APC2: variants seen among roughly 807,000 people sequenced by gnomAD.
APC2 encodes APC regulator of Wnt signaling pathway 2.
A neutral mutation model predicts 72.5 loss-of-function variants in APC2; 41 were observed. The observed-to-expected ratio is 0.57, with a 90% CI of 0.44 to 0.73. The LOEUF (loss-of-function observed/expected upper bound fraction) is 0.73. Ranked by LOEUF, APC2 falls within the 30% of genes least tolerant of loss-of-function variation. APC2 has a pLI of 0.00. For synonymous variants in APC2, 1,898 were observed against 1,612.0 expected, an observed-to-expected ratio of 1.18 and a Z score of -4.25; for missense variants, 3,729 against 3,403.4, an observed-to-expected ratio of 1.10 and a Z score of -2.38.
rs374378343 is a variant in APC2 at position 1,457,895 on chromosome 19, C to CCGGGG, written c.1208-70_1208-69insCGGGG. 2.6e-5 allele frequency: 33 copies of CCGGGG among 1,251,672 alleles called. 3 individuals carry two copies. In the African/African-American group the frequency reaches 5.8e-4, roughly 22 times the overall value. 77.5% of individuals were successfully genotyped at this position (1,251,672 alleles called of 1,614,324 possible). On this transcript the variant is annotated intron_variant, in intron 9 of 14. Coordinates refer to ENST00000590469, the MANE Select transcript of APC2 (RefSeq NM_005883.3). ...CTTCAGGCCTGGGGCGGGCGGGTTG[C>CCGGGG]GGGACCTTCGGGAGTCACCTGGGAC...
chr19:1,470,519 C>A lies in APC2; in HGVS notation c.*306C>A. The A allele has an allele frequency of 3.1e-6, 1 of 327,532 alleles. No homozygotes were observed. The highest frequency in any genetic ancestry group is 5.6e-6 in the Non-Finnish European group (1 of 178,830). 20.3% of individuals were successfully genotyped at this position (327,532 alleles called of 1,614,324 possible). ...CGCGCGGCCCTTCCCCTGTCGGAAG[C>A]CGTTGCTTGACCCCGGGCGAGGGAG... is the stretch of plus-strand genomic sequence containing the variant. On this transcript the variant is annotated 3_prime_UTR_variant, in exon 15 of 15. Transcript: ENST00000590469.
In APC2 at chr19:1,456,903, G is replaced by C. The variant is rs993840196; in HGVS notation, c.867G>C (p.Glu289Asp). Reference protein sequence around the residue: ...LLSMLATRDQEDTARTLLAMS... With the variant: ...LLSMLATRDQDDTARTLLAMS... ...CCATGTTGGCGACGCGCGACCAGGA[G>C]GATACAGCGCGCACGCTGCTGGCCA... The change falls in exon 9 of 15, where the codon GAG becomes GAC. Residue 289 changes from glutamate to aspartate, a missense_variant. Glu to Asp is a conservative substitution (Grantham distance 45). Transcript: ENST00000590469. 1 of 1,586,740 alleles carries C rather than the reference G, an allele frequency of 6.3e-7. No homozygotes were observed. The highest frequency in any genetic ancestry group is 1.3e-5 in the African/African-American group (1 of 74,422).
Position 1,465,908 on chromosome 19 carries a change from C to T in APC2, c.2607C>T (p.Asp869=), listed in dbSNP as rs747020134. The T allele has an allele frequency of 3.2e-6, 5 of 1,582,824 alleles. No homozygotes were observed. The highest frequency in any genetic ancestry group is 4.3e-6 in the Non-Finnish European group (5 of 1,168,298). ...EDISALHTSS[D]DSFSLSSGDP... The stretch of plus-strand genomic sequence containing the variant: ...TCTCCGCCCTGCACACCTCGTCCGA[C>T]GATAGCTTCAGCCTCAGCTCTGGAG... Residue 869 remains aspartate (D), a synonymous_variant, in exon 15 of 15, where the codon GAC becomes GAT. Coordinates refer to ENST00000590469, the MANE Select transcript of APC2 (RefSeq NM_005883.3).
chr19:1,456,883 T>C lies in APC2; in HGVS notation c.847T>C (p.Leu283=), dbSNP rs2083836862. The C allele has an allele frequency of 6.3e-7, 1 of 1,593,904 alleles. No individual in the cohort carries two copies. The highest frequency in any genetic ancestry group is 2.3e-5 in the East Asian group (1 of 44,174). ...GGTGGTCTTCTGGCTGTTGTCCATG[T>C]TGGCGACGCGCGACCAGGAGGATAC... is the stretch of plus-strand genomic sequence containing the variant. ...VEVVFWLLSM[L]ATRDQEDTAR... is the part of the protein sequence containing the mutation. The change falls in exon 9 of 15, where the codon TTG becomes CTG. Residue 283 remains leucine, a synonymous_variant. Transcript: ENST00000590469.
At position 1,471,161 on chromosome 19, in the gene APC2, CCG is replaced by C. The variant is rs2084127564; in HGVS notation, c.*952_*953del. The C allele has an allele frequency of 6.6e-6, 1 of 152,466 alleles. No individual in the cohort carries two copies. The highest frequency in any genetic ancestry group is 2.1e-4 in the South Asian group (1 of 4,846). The allele number at this position is 152,466 out of a possible 1,614,324, so 9.4% of individuals were successfully genotyped here. A position where few individuals can be genotyped will look rare whatever the true frequency, so the allele number is the denominator to read the frequency against. On this transcript the variant is annotated 3_prime_UTR_variant, in exon 15 of 15. Coordinates refer to ENST00000590469, the MANE Select transcript of APC2 (RefSeq NM_005883.3). ...AGCCCGAGGCCCTGGGACCTGGAGC[CCG>C]CGCTGGCCTCTCCCCAGCGGAGCCT...
At chr19:1,454,800 C>T (rs978978765) in intron 4 of APC2, among the ~76,000 whole-genome samples, 1 of 152,182 alleles carries the variant, frequency 6.6e-6, no homozygotes, top group Non-Finnish European at 1.5e-5. Context: ...ATCTCCTGAC[C>T]TCGTGATCCG....
upstream of APC2, among the ~76,000 whole-genome samples, chr19:1,448,167 A>AC (rs2083703435): frequency 6.6e-6 from 1 of 151,918 alleles, no homozygotes; most frequent in African/African-American, 2.4e-5. Context: ...GTCAAACCCC[A>AC]CCACGCGCCC....
In APC2 at chr19:1,457,127, C is replaced by T. The variant is rs767165668; in HGVS notation, c.1091C>T (p.Ala364Val). 3 of 1,588,494 alleles carry T rather than the reference C, an allele frequency of 1.9e-6. No homozygotes were observed. Among genetic ancestry groups the T allele is most frequent in the African/African-American group, 1.3e-5 (1 of 74,284 alleles). ...IVFSQPDQGL[A>V]RKEMRVLHVL... The stretch of plus-strand genomic sequence containing the variant: ...TTCTCGCAGCCGGACCAGGGCCTGG[C>T]GCGCAAGGAGATGCGCGTCCTGCAC... The change falls in exon 9 of 15, where the codon GCG becomes GTG. Residue 364 changes from alanine (A) to valine (V), a missense_variant. Ala to Val is a moderately conservative substitution (Grantham distance 64, BLOSUM62 0). Transcript: ENST00000590469.
Position 1,452,202 on chromosome 19 carries a change from G to A in APC2, c.-18-782G>A, listed in dbSNP as rs2083751191. The stretch of plus-strand genomic sequence containing the variant: ...GAGGGAGGAGGCCAGGCCAGAGCCA[G>A]AAGACGGCCAGAGGCACAAAGAAGC... On this transcript the variant is annotated intron_variant, in intron 1 of 14. Coordinates refer to ENST00000590469, the MANE Select transcript of APC2 (RefSeq NM_005883.3). This position sits in a 1 kb window ranked among gnomAD's most constrained non-coding sequence, Gnocchi z 5.1. The A allele has an allele frequency of 6.5e-6, 1 of 153,042 alleles. No individual in the cohort carries two copies. The highest frequency in any genetic ancestry group is 2.4e-5 in the African/African-American group (1 of 41,460). 9.5% of individuals were successfully genotyped at this position (153,042 alleles called of 1,614,324 possible).
chr19:1,457,948 G>T lies in APC2; in HGVS notation c.1208-17G>T. The T allele has an allele frequency of 1.3e-6, 2 of 1,547,980 alleles. No homozygotes were observed. Among genetic ancestry groups the T allele is most frequent in the Non-Finnish European group, 1.7e-6 (2 of 1,145,988 alleles). On this transcript the variant is annotated splice_polypyrimidine_tract_variant and intron_variant, in intron 9 of 14. Transcript: ENST00000590469. ...TTCCTGGGAATGGGGGCTCTGATCTGGTCCCTGTGCCCACAGCCCCGATCC... is the reference window on the plus strand; with the variant it reads ...TTCCTGGGAATGGGGGCTCTGATCTTGTCCCTGTGCCCACAGCCCCGATCC...
In APC2 at chr19:1,468,772, C is replaced by A. The variant is rs746126386; in HGVS notation, c.5471C>A (p.Ala1824Glu). The part of the protein sequence containing the change: ...TPRKVAPPCL[A>E]QPAAPAKVPS... ...CGGAAGGTGGCGCCCCCTTGCCTGGCACAGCCCGCGGCTCCAGCCAAAGTC... is the reference window on the plus strand; with the variant it reads ...CGGAAGGTGGCGCCCCCTTGCCTGGAACAGCCCGCGGCTCCAGCCAAAGTC... Residue 1824 changes from alanine to glutamate, a missense_variant, in exon 15 of 15, where the codon GCA becomes GAA. Ala to Glu is a moderately radical substitution (Grantham distance 107). Transcript: ENST00000590469. The A allele has an allele frequency of 3.1e-5, 47 of 1,506,618 alleles. No homozygotes were observed. The highest frequency in any genetic ancestry group is 3.9e-5 in the Non-Finnish European group (44 of 1,128,318). The allele number at this position is 1,506,618 out of a possible 1,614,324, so 93.3% of individuals were successfully genotyped here. A position where few individuals can be genotyped will look rare whatever the true frequency, so the allele number is the denominator to read the frequency against.
intron 6 of APC2, 76 bp downstream of exon 6, chr19:1,455,576 G>T: frequency 7.1e-7 from 1 of 1,402,986 alleles, no homozygotes; most frequent in South Asian, 1.2e-5. Context: ...CAGATATTAT[G>T]GGCGGGGTCT....
At position 1,455,482 on chromosome 19, in the gene APC2, G is replaced by A; in HGVS notation, c.621G>A (p.Glu207=). 2 of 1,602,944 alleles carry A rather than the reference G, an allele frequency of 1.2e-6. No individual in the cohort carries two copies. The highest frequency in any genetic ancestry group is 2.2e-5 in the South Asian group (2 of 89,486). The change falls in exon 6 of 15, where the codon GAG becomes GAA. Residue 207 remains glutamate (E), a synonymous_variant. Coordinates refer to ENST00000590469, the MANE Select transcript of APC2 (RefSeq NM_005883.3). ...LMEERFGTSD[E]MVQRAQIRAS... ...AGGAGCGCTTCGGCACCTCGGACGAGATGGTGCAGCGGGCACAGGTGCGGC... is the reference window on the plus strand; with the variant it reads ...AGGAGCGCTTCGGCACCTCGGACGAAATGGTGCAGCGGGCACAGGTGCGGC...
At chr19:1,459,942 C>A (rs1016873433) in intron 10 of APC2, among the ~76,000 whole-genome samples, 3 of 152,218 alleles carry the variant, frequency 2.0e-5, no homozygotes, top group Non-Finnish European at 2.9e-5. Flanking sequence ...TGAGCCAGGA[C>A]CGAGGGCTGA....
At chr19:1,461,708 C>T (rs566027215) in intron 13 of APC2, 83 of 493,632 alleles carry the variant, frequency 1.7e-4, no homozygotes, top group African/African-American at 1.2e-3. Context: ...AAAAATTAGC[C>T]GGGCGTGGTG....
At chr19:1,446,506 C>CA (rs1555788389), upstream of APC2, among the ~76,000 whole-genome samples, 17 of 151,870 alleles carry the variant, frequency 1.1e-4, no homozygotes, top group African/African-American at 4.1e-4. The surrounding 1 kb of genome is among the most constrained non-coding windows in gnomAD (Gnocchi z 6.1). Context: ...AGACCGTTGC[C>CA]GGGAAACCGC....
chr19:1,464,530 T>C (rs1005358720), intron 14 of APC2, among the ~76,000 whole-genome samples: 1 of 151,850 alleles, frequency 6.6e-6, no homozygotes, highest in Non-Finnish European at 1.5e-5. Context: ...CACTCCAGGC[T>C]GTACGACAGA....
rs1428717121 is a variant in APC2 at position 1,467,360 on chromosome 19, C to G, written c.4059C>G (p.Ala1353=). 4.1e-6 allele frequency: 6 copies of G among 1,470,356 alleles called. No homozygotes were observed. Among genetic ancestry groups the G allele is most frequent in the Non-Finnish European group, 4.5e-6 (5 of 1,115,410 alleles). 91.1% of individuals were successfully genotyped at this position (1,470,356 alleles called of 1,614,324 possible). Residue 1353 remains alanine (A), a synonymous_variant, in exon 15 of 15, where the codon GCC becomes GCG. Transcript: ENST00000590469. ...LRECLGAAVP[A]RLRKVASALV... is the part of the protein sequence containing the mutation. ...AGTGCCTGGGAGCCGCCGTGCCTGC[C>G]CGGCTGCGCAAGGTGGCCTCCGCGC...
rs1054758740 is a variant in APC2 at position 1,461,648 on chromosome 19, C to G, written c.1639-315C>G. On this transcript the variant is annotated intron_variant, in intron 13 of 14. Coordinates refer to ENST00000590469, the MANE Select transcript of APC2 (RefSeq NM_005883.3). ...CGGGCGGATCACAAGGTCAGGAGAT[C>G]GAGACCATCCTGGCTAACACGGTGA... The G allele has an allele frequency of 7.3e-5, 26 of 356,198 alleles. 1 individual carries two copies. Among genetic ancestry groups the G allele is most frequent in the East Asian group, 6.2e-4 (11 of 17,850 alleles). 22.1% of individuals were successfully genotyped at this position (356,198 alleles called of 1,614,324 possible).
Sources: allele counts gnomAD v4.1 joint callset (sites outside exome capture counted in the v4.1 genomes callset), GRCh38; gene constraint gnomAD v4.1.1; non-coding constraint Gnocchi (gnomAD v3.1); transcripts MANE v1.5; gene names NCBI Gene and HGNC (gene_info 2026-07-23, HGNC 2026-07-21).